The following DCDC1 variants were observed in gnomAD, a reference collection of about 807,000 sequenced individuals.
DCDC1 encodes the protein doublecortin domain containing 1, also known as doublecortin domain-containing protein 1.
DCDC1 carries 200 observed loss-of-function variants against 178.3 expected under a neutral mutation model. The ratio of observed to expected loss-of-function variants is 1.12; its 90% CI spans 1.00 to 1.26. DCDC1 has a LOEUF of 1.26. DCDC1 is among the 50% of genes most tolerant of loss of function. DCDC1 has a pLI of 0.00. For missense variants in DCDC1, 1,983 were observed against 1,749.2 expected, an observed-to-expected ratio of 1.13 and a Z score of -2.38; for synonymous variants, 690 against 604.8, an observed-to-expected ratio of 1.14 and a Z score of -2.07.
chr11:31,220,335 T>C (rs1565456543), intron 9 of DCDC1, among the ~76,000 whole-genome samples: 1 of 152,226 alleles, frequency 6.6e-6, no homozygotes, highest in South Asian at 2.1e-4. Context: ...CTATTTTTGA[T>C]ACTTAATACT....
intron 38 of DCDC1, among the ~76,000 whole-genome samples, 177 bp downstream of exon 38, chr11:30,878,367 C>T (rs544340075): frequency 2.0e-5 from 3 of 152,076 alleles, no homozygotes; most frequent in African/African-American, 7.2e-5. Context: ...ATGGGAGGAT[C>T]ACGTGAGCCC....
chr11:30,927,253 AT>A (rs1410103683), intron 22 of DCDC1, among the ~76,000 whole-genome samples: 2 of 151,918 alleles, frequency 1.3e-5, no homozygotes, highest in South Asian at 2.1e-4. Context: ...TCCCTTGATT[AT>A]TTTCAATTCT....
intron 4 of DCDC1, among the ~76,000 whole-genome samples, chr11:31,306,866 T>C (rs1170457026): frequency 1.3e-5 from 2 of 152,106 alleles, no homozygotes; most frequent in Non-Finnish European, 2.9e-5. Context: ...AAATATTTGA[T>C]TTTAAAATTT....
In DCDC1 at chr11:31,018,561, C is replaced by T. The variant is rs997618261; in HGVS notation, c.2591+45908G>A. Among the ~76,000 whole-genome samples, 4 of 152,016 alleles carry T rather than the reference C, an allele frequency of 2.6e-5. 1 individual carries two copies. Among genetic ancestry groups the T allele is most frequent in the Admixed American group, 6.6e-5 (1 of 15,260 alleles). On this transcript the variant is annotated intron_variant, in intron 20 of 38. Coordinates refer to ENST00000684477, the MANE Select transcript of DCDC1 (RefSeq NM_001387274.1). ...TTTCAGGTGAGAAAACCAAGGCTCA[C>T]GGAAGGGTACTAACTACAGTAGTAA...
At chr11:31,215,814 G>T (rs1973478559) in intron 9 of DCDC1, among the ~76,000 whole-genome samples, 1 of 151,918 alleles carries the variant, frequency 6.6e-6, no homozygotes, top group Non-Finnish European at 1.5e-5. Flanking sequence ...AATGGAGGCA[G>T]CAGGAATCCT....
chr11:31,036,993 G>A lies in DCDC1; in HGVS notation c.2591+27476C>T, dbSNP rs79939874. On this transcript the variant is annotated intron_variant, in intron 20 of 38. Transcript: ENST00000684477. ...ATAGAGAGGTAAGTAACATGCCCAA[G>A]GTCATATAACTCCTAAGTCATCAGC... Among the ~76,000 whole-genome samples, 258 of 152,240 alleles carry A rather than the reference G, an allele frequency of 1.7e-3. 2 individuals are homozygous for A. The East Asian group carries it at 0.028, about 17-fold the overall frequency.
intron 2 of DCDC1, among the ~76,000 whole-genome samples, chr11:31,330,575 T>A (rs961900520): frequency 1.3e-5 from 2 of 152,224 alleles, no homozygotes; most frequent in Non-Finnish European, 2.9e-5. Context: ...AATTTTTGTA[T>A]AAGGTGTAAG....
rs958498014 is a variant in DCDC1 at position 31,110,286 on chromosome 11, T to C, written c.1561A>G (p.Ile521Val). 2 of 716,358 alleles carry C rather than the reference T, an allele frequency of 2.8e-6. No homozygotes were observed. The highest frequency in any genetic ancestry group is 5.1e-6 in the Non-Finnish European group (2 of 390,308). The allele number at this position is 716,358 out of a possible 1,614,324, so 44.4% of individuals were successfully genotyped here. A position where few individuals can be genotyped will look rare whatever the true frequency, so the allele number is the denominator to read the frequency against. ...SKKDLGSDSPIQTDHMMERLL... is the reference protein window; with the variant it reads ...SKKDLGSDSPVQTDHMMERLL... Reference sequence around the variant, plus strand: ...CTTTCCATCATATGGTCAGTTTGAATTGGGCTATCCGATCCCAAATCTTTT... The same window carrying C: ...CTTTCCATCATATGGTCAGTTTGAACTGGGCTATCCGATCCCAAATCTTTT... The change falls in exon 12 of 39, where the codon ATT (isoleucine) becomes GTT (valine). Residue 521 changes from isoleucine (I) to valine (V), a missense_variant. Ile to Val is a conservative substitution (Grantham distance 29). Transcript: ENST00000684477.
At chr11:30,945,103 G>C (rs531881902) in intron 21 of DCDC1, among the ~76,000 whole-genome samples, 1 of 150,632 alleles carries the variant, frequency 6.6e-6, no homozygotes, top group Non-Finnish European at 1.5e-5. Flanking sequence ...TGAGTAGCTG[G>C]GACTACAGGC....
At chr11:31,005,816 C>G (rs2606235) in intron 20 of DCDC1, among the ~76,000 whole-genome samples, 1 of 151,930 alleles carries the variant, frequency 6.6e-6, no homozygotes, top group Non-Finnish European at 1.5e-5. Context: ...CCATATATTT[C>G]TAGCTTCTCA....
chr11:31,302,516 G>T (rs1160677514), intron 6 of DCDC1, among the ~76,000 whole-genome samples: 1 of 151,978 alleles, frequency 6.6e-6, no homozygotes, highest in Non-Finnish European at 1.5e-5. Flanking sequence ...ATTATCAACA[G>T]TATTTATATA....
At chr11:31,134,710 T>A (rs1422005805) in intron 10 of DCDC1, among the ~76,000 whole-genome samples, 1 of 152,242 alleles carries the variant, frequency 6.6e-6, no homozygotes, top group Admixed American at 6.5e-5. Context: ...AAAGGCTTAA[T>A]GTGGCTGGGC....
intron 1 of DCDC1, among the ~76,000 whole-genome samples, chr11:31,347,151 T>A (rs1466975981): frequency 6.6e-6 from 1 of 152,184 alleles, no homozygotes; most frequent in African/African-American, 2.4e-5. Flanking sequence ...AGAATTCAAG[T>A]GGGACAGAGC....
intron 9 of DCDC1, among the ~76,000 whole-genome samples, chr11:31,215,523 G>A (rs925113531): frequency 1.9e-4 from 29 of 148,962 alleles, no homozygotes; most frequent in African/African-American, 6.7e-4. Context: ...GGCCTGGCGC[G>A]GTAGCTCATG....
At chr11:31,294,799 AAAG>A (rs1947524308) in intron 6 of DCDC1, among the ~76,000 whole-genome samples, 1 of 4,080 alleles carries the variant, frequency 2.5e-4, no homozygotes, top group Non-Finnish European at 5.3e-4. Flanking sequence ...AAATAAAGAA[AAAG>A]AAAGAAAGAA....
At chr11:31,209,237 G>A (rs1972216230) in intron 9 of DCDC1, among the ~76,000 whole-genome samples, 1 of 152,150 alleles carries the variant, frequency 6.6e-6, no homozygotes, top group South Asian at 2.1e-4. Context: ...AGAAACAGTA[G>A]GAAAAGAAGT....
chr11:31,136,026 A>T (rs1035641853), intron 10 of DCDC1, among the ~76,000 whole-genome samples: 1 of 152,114 alleles, frequency 6.6e-6, no homozygotes. Context: ...ATAATCTGTC[A>T]TTCTTTTACA....
chr11:31,137,761 C>T lies in DCDC1; in HGVS notation c.1245G>A (p.Gln415=). The T allele has an allele frequency of 2.8e-6, 2 of 702,682 alleles. No homozygotes were observed. The highest frequency in any genetic ancestry group is 5.2e-6 in the Non-Finnish European group (2 of 384,856). 43.5% of individuals were successfully genotyped at this position (702,682 alleles called of 1,614,324 possible). Residue 415 remains glutamine, a synonymous_variant, in exon 10 of 39, where the codon CAG becomes CAA. Coordinates refer to ENST00000684477, the MANE Select transcript of DCDC1 (RefSeq NM_001387274.1). ...YKQLNLVMNE[Q]KEKITEKVIL... ...TGACTTTTTCTGTAATTTTCTCCTT[C>T]TGTTCATTCATGACCAGGTTCAACT...
intron 22 of DCDC1, among the ~76,000 whole-genome samples, chr11:30,926,727 A>G (rs1946615177): frequency 6.6e-6 from 1 of 152,210 alleles, no homozygotes; most frequent in South Asian, 2.1e-4. Flanking sequence ...GAATGTTTCT[A>G]AATTTTATAT....
Sources: gnomAD v4.1 joint callset for allele counts (sites outside exome capture counted in the v4.1 genomes callset) on GRCh38, gnomAD v4.1.1 for gene constraint, MANE v1.5 for transcripts, NCBI Gene and HGNC (gene_info 2026-07-23, HGNC 2026-07-21) for gene names.